The following ANKRD31 variants were observed in gnomAD, a reference collection of about 807,000 sequenced individuals.
ANKRD31 encodes the protein ankyrin repeat domain-containing protein 31.
In ANKRD31, 147 loss-of-function variants were observed where a neutral mutation model predicts 186.0. The ratio of observed to expected loss-of-function variants is 0.79; its 90% CI spans 0.69 to 0.91. The LOEUF is 0.91. Ranked by LOEUF, ANKRD31 falls within the 40% of genes least tolerant of loss-of-function variation. The pLI, the probability that ANKRD31 is intolerant of heterozygous loss-of-function variation, is 0.00. For synonymous variants in ANKRD31, 673 were observed against 736.4 expected (o/e 0.91, Z 1.39); for missense variants, 1,986 against 2,148.8 (o/e 0.92, Z 1.50).
intron 22 of ANKRD31, among the ~76,000 whole-genome samples, chr5:75,096,666 AT>A (rs75746379): frequency 0.052 from 7,833 of 150,794 alleles, 429 homozygotes; most frequent in African/African-American, 0.14. Context: ...CTTTAAAAAA[AT>A]TTTTTTTTTA....
Position 75,104,437 on chromosome 5 carries a change from TCTGATGCA to T in ANKRD31, c.5114_5121del (p.Val1705AspfsTer6). ...ACTGATTTTTTAAGATATGGTTTCA[TCTGATGCA>T]CTGTATCACTGCCTAAGACAGCAAT... On this transcript the variant is annotated frameshift_variant, in exon 22 of 26. Transcript: ENST00000506364. LOFTEE classifies it high-confidence loss of function. 6.5e-7 allele frequency: 1 copy of T among 1,537,262 alleles called. No homozygotes were observed.
chr5:75,111,094 C>T (rs563133721), intron 20 of ANKRD31, among the ~76,000 whole-genome samples: 4 of 151,272 alleles, frequency 2.6e-5, no homozygotes, highest in Non-Finnish European at 4.4e-5. Context: ...TTATTAAACA[C>T]TAAGAATGAA....
chr5:75,210,048 C>A (rs1756513467), intron 4 of ANKRD31, among the ~76,000 whole-genome samples: 1 of 152,200 alleles, frequency 6.6e-6, no homozygotes. Flanking sequence ...ACCTCACAGA[C>A]CCTCTAAAAG....
chr5:75,192,842 C>T, intron 8 of ANKRD31, 66 bp from the exon 9 acceptor site: 1 of 1,200,912 alleles, frequency 8.3e-7, no homozygotes, highest in Non-Finnish European at 1.2e-6. Context: ...GAGAATTATA[C>T]CAATTTTTGA....
intron 10 of ANKRD31, among the ~76,000 whole-genome samples, chr5:75,184,247 A>T (rs936719762): frequency 6.6e-6 from 1 of 152,124 alleles, no homozygotes; most frequent in Non-Finnish European, 1.5e-5. Context: ...ACAAAATTCA[A>T]CTCAAAGTGG....
At chr5:75,149,390 G>A (rs1456867606) in intron 12 of ANKRD31, among the ~76,000 whole-genome samples, 1 of 151,920 alleles carries the variant, frequency 6.6e-6, no homozygotes, top group Non-Finnish European at 1.5e-5. Flanking sequence ...ATATTTTAAT[G>A]AGGATGTAAT....
chr5:75,140,235 G>A (rs1750913301), intron 15 of ANKRD31, among the ~76,000 whole-genome samples: 1 of 49,478 alleles, frequency 2.0e-5, no homozygotes, highest in African/African-American at 1.5e-4. Flanking sequence ...AAGAAAGAAA[G>A]AAGGAAGGAA....
chr5:75,195,884 A>G lies in ANKRD31; in HGVS notation c.764T>C (p.Leu255Ser), dbSNP rs1338076939. The G allele has an allele frequency of 6.7e-7, 1 of 1,491,208 alleles. No homozygotes were observed. Among genetic ancestry groups the G allele is most frequent in the African/African-American group, 2.2e-5 (1 of 45,218 alleles). The allele number at this position is 1,491,208 out of a possible 1,614,324, so 92.4% of individuals were successfully genotyped here. ...DFDRKELMNP[L>S]SDSLSSISIP... is the part of the protein sequence containing the mutation. ...TGATATGGAACTAAGAGAGTCACTCAATGGGTTCATCAATTCTTTACGATC... is the reference window on the plus strand; with the variant it reads ...TGATATGGAACTAAGAGAGTCACTCGATGGGTTCATCAATTCTTTACGATC... Residue 255 changes from leucine (L) to serine (S), a missense_variant, in exon 7 of 26, where the codon TTG (leucine) becomes TCG (serine). Leu to Ser is a moderately radical substitution (Grantham distance 145). Transcript: ENST00000506364.
At position 75,118,270 on chromosome 5, in the gene ANKRD31, C is replaced by T. The variant is rs751715157; in HGVS notation, c.3904G>A (p.Ala1302Thr). 12 of 1,511,102 alleles carry T rather than the reference C, an allele frequency of 7.9e-6. No homozygotes were observed. Among genetic ancestry groups the T allele is most frequent in the Non-Finnish European group, 1.1e-5 (12 of 1,139,596 alleles). The allele number at this position is 1,511,102 out of a possible 1,614,324, so 93.6% of individuals were successfully genotyped here. A position where few individuals can be genotyped will look rare whatever the true frequency, so the allele number is the denominator to read the frequency against. ...KAAEILLQNG[A>T]NPNQKDQKQK... is the part of the protein sequence containing the mutation. ...TTTTGATCTTTTTGATTAGGGTTTG[C>T]TCCATTTTGTAGTAGAATCTCAGCT... The change falls in exon 18 of 26, where the codon GCA (alanine) becomes ACA (threonine). Residue 1302 changes from alanine to threonine, a missense_variant. Physicochemically the swap from Ala to Thr is moderately conservative, Grantham distance 58. Coordinates refer to ENST00000506364, the MANE Select transcript of ANKRD31 (RefSeq NM_001372053.1).
intron 15 of ANKRD31, among the ~76,000 whole-genome samples, chr5:75,142,210 A>G (rs984195174): frequency 2.0e-5 from 3 of 152,118 alleles, no homozygotes; most frequent in African/African-American, 7.2e-5. Context: ...TCACTGTACT[A>G]GACACTAAGT....
chr5:75,159,680 A>AAT (rs397724740), intron 11 of ANKRD31, among the ~76,000 whole-genome samples: 2 of 151,328 alleles, frequency 1.3e-5, no homozygotes, highest in Non-Finnish European at 1.5e-5. Context: ...AAAAAAAAAA[A>AAT]GCTGATAGAA....
At chr5:75,214,477 C>A (rs953154563) in intron 3 of ANKRD31, among the ~76,000 whole-genome samples, 1 of 152,172 alleles carries the variant, frequency 6.6e-6, no homozygotes, top group Non-Finnish European at 1.5e-5. Flanking sequence ...AGTAGCCCAG[C>A]AATTTATTAC....
chr5:75,210,379 G>A lies in ANKRD31; in HGVS notation c.326+449C>T, dbSNP rs575876570. 5.9e-4 allele frequency among the ~76,000 whole-genome samples: 90 copies of A among 152,280 alleles called. 1 individual carries two copies. The highest frequency in any genetic ancestry group is 2.1e-3 in the African/African-American group (86 of 41,566). ...ATTAGAGATGGGGTTTCACCATGTT[G>A]GCCAGACTGGTCTGGAACTCCCGAC... On this transcript the variant is annotated intron_variant, in intron 4 of 25. Transcript: ENST00000506364.
intron 23 of ANKRD31, among the ~76,000 whole-genome samples, chr5:75,089,587 C>T (rs1189025440): frequency 6.6e-6 from 1 of 152,130 alleles, no homozygotes; most frequent in East Asian, 1.9e-4. Flanking sequence ...TTTAAAAGAG[C>T]CTTTTAAATA....
chr5:75,132,810 T>C (rs922021429), intron 17 of ANKRD31, among the ~76,000 whole-genome samples: 15 of 152,264 alleles, frequency 9.9e-5, no homozygotes, highest in African/African-American at 1.9e-4. Context: ...AGACTAACAG[T>C]GGATCTCTTG....
intron 12 of ANKRD31, among the ~76,000 whole-genome samples, chr5:75,150,819 T>C (rs1580437197): frequency 1.3e-5 from 2 of 152,034 alleles, no homozygotes; most frequent in Non-Finnish European, 2.9e-5. Flanking sequence ...TTTAAAAATA[T>C]ACTTTTGCCT....
At chr5:75,095,981 T>C (rs1474818003) in intron 22 of ANKRD31, among the ~76,000 whole-genome samples, 1 of 152,136 alleles carries the variant, frequency 6.6e-6, no homozygotes, top group African/African-American at 2.4e-5. Context: ...ATAAACCAAT[T>C]AGACTTAACA....
At chr5:75,140,299 A>AGAGAGAGAG (rs2150134047) in intron 15 of ANKRD31, among the ~76,000 whole-genome samples, 1 of 42,692 alleles carries the variant, frequency 2.3e-5, no homozygotes, top group Admixed American at 2.1e-4. Flanking sequence ...GGAAGGAAGG[A>AGAGAGAGAG]AGGAAGGAAG....
At chr5:75,101,880 T>C (rs1746919470) in intron 22 of ANKRD31, among the ~76,000 whole-genome samples, 1 of 152,236 alleles carries the variant, frequency 6.6e-6, no homozygotes, top group African/African-American at 2.4e-5. Context: ...AACATCCTCC[T>C]TTAGCTCGGA....
Sources: gnomAD v4.1 joint callset for allele counts (sites outside exome capture counted in the v4.1 genomes callset) on GRCh38, gnomAD v4.1.1 for gene constraint, MANE v1.5 for transcripts, NCBI Gene and HGNC (gene_info 2026-07-23, HGNC 2026-07-21) for gene names.